Variants in CUX1 observed in about 807,000 individuals in gnomAD.
The protein encoded by CUX1 is protein CASP.
In CUX1, 31 loss-of-function variants were observed where a neutral mutation model predicts 158.8. The ratio of observed to expected loss-of-function variants is 0.20; its 90% CI spans 0.15 to 0.26. The LOEUF is 0.26. Among genes scored for constraint, CUX1 ranks in the 10% least tolerant of loss-of-function variants. CUX1 has a pLI of 1.00. For synonymous variants in CUX1, 879 were observed against 862.1 expected (o/e 1.02, Z -0.34); for missense variants, 1,589 against 2,014.6 (o/e 0.79, Z 4.04).
At chr7:102,136,650 A>G (rs1833941925) in intron 8 of CUX1, among the ~76,000 whole-genome samples, 1 of 152,166 alleles carries the variant, frequency 6.6e-6, no homozygotes, top group Non-Finnish European at 1.5e-5. Context: ...TGGCCTCCCA[A>G]AGTGCTGGGA....
In CUX1 at chr7:102,257,177, G is replaced by A. The variant is rs1387640456; in HGVS notation, c.*8135G>A. 6.1e-6 allele frequency: 6 copies of A among 985,250 alleles called. No individual in the cohort carries two copies. The highest frequency in any genetic ancestry group is 4.7e-5 in the South Asian group (1 of 21,284). The allele number at this position is 985,250 out of a possible 1,614,324, so 61.0% of individuals were successfully genotyped here. Reference sequence around the variant, plus strand: ...AGGCAAGGGCCCTGCTCACCCCAAGGTAGGCTGGGAAGAGCATCTCTTTCC... The same window carrying A: ...AGGCAAGGGCCCTGCTCACCCCAAGATAGGCTGGGAAGAGCATCTCTTTCC... On this transcript the variant is annotated 3_prime_UTR_variant, in exon 24 of 24. Transcript: ENST00000292535.
At chr7:102,215,782 C>T (rs560662842) in intron 20 of CUX1, among the ~76,000 whole-genome samples, 1 of 152,310 alleles carries the variant, frequency 6.6e-6, no homozygotes, top group African/African-American at 2.4e-5. Flanking sequence ...GTTCCACGGG[C>T]CATGATCAGC....
chr7:102,268,781 G>A (rs560179424), intron 14 of CUX1, among the ~76,000 whole-genome samples: 1 of 151,906 alleles, frequency 6.6e-6, no homozygotes, highest in Non-Finnish European at 1.5e-5. Context: ...GAGACATGGC[G>A]AGGCCAGGAG....
intron 1 of CUX1, among the ~76,000 whole-genome samples, chr7:101,855,263 C>T (rs1796647368): frequency 6.6e-6 from 1 of 152,232 alleles, no homozygotes; most frequent in African/African-American, 2.4e-5. Flanking sequence ...GGCTCTATCT[C>T]CTCCCAAACC....
chr7:102,128,004 C>T (rs1239008647), intron 8 of CUX1, among the ~76,000 whole-genome samples: 9 of 152,192 alleles, frequency 5.9e-5, no homozygotes, highest in South Asian at 2.1e-4. Context: ...TGTGCCACCA[C>T]GCCCAGTGAA....
At chr7:102,191,095 G>C (rs187891887) in intron 12 of CUX1, among the ~76,000 whole-genome samples, 1 of 152,124 alleles carries the variant, frequency 6.6e-6, no homozygotes, top group East Asian at 1.9e-4. Flanking sequence ...GCTGGCCCTG[G>C]TAGTCCCTGT....
chr7:102,040,858 G>A (rs757877783), intron 3 of CUX1, among the ~76,000 whole-genome samples: 1 of 152,198 alleles, frequency 6.6e-6, no homozygotes, highest in African/African-American at 2.4e-5. Context: ...TCTGTAAAAC[G>A]AGTGGGTTAC....
At chr7:102,230,249 G>C (rs1302060037) in intron 21 of CUX1, among the ~76,000 whole-genome samples, 1 of 151,992 alleles carries the variant, frequency 6.6e-6, no homozygotes, top group Admixed American at 6.6e-5. Context: ...GCTGAGGCAG[G>C]TGGATCACCT....
intron 2 of CUX1, among the ~76,000 whole-genome samples, chr7:101,971,655 T>TA (rs1367705094): frequency 6.6e-6 from 1 of 152,140 alleles, no homozygotes; most frequent in Non-Finnish European, 1.5e-5. Context: ...TCATGTGACT[T>TA]ACGCTGTCCA....
chr7:102,113,084 C>T (rs1282398199), intron 7 of CUX1, among the ~76,000 whole-genome samples: 1 of 151,932 alleles, frequency 6.6e-6, no homozygotes, highest in Admixed American at 6.6e-5. Context: ...TGCAGTCGAA[C>T]AATAAGCAAG....
chr7:101,976,824 T>G (rs1812744086), intron 2 of CUX1, among the ~76,000 whole-genome samples: 1 of 151,376 alleles, frequency 6.6e-6, no homozygotes, highest in Admixed American at 6.6e-5. Context: ...AGCTCCAACT[T>G]CCCGAGATTT....
intron 20 of CUX1, among the ~76,000 whole-genome samples, chr7:102,209,639 G>A (rs1486220575): frequency 6.6e-6 from 1 of 152,158 alleles, no homozygotes; most frequent in African/African-American, 2.4e-5. Flanking sequence ...GTTATAACCA[G>A]GGTCATCTTT....
chr7:102,223,510 CT>C (rs1798041801), intron 20 of CUX1, among the ~76,000 whole-genome samples: 1 of 151,980 alleles, frequency 6.6e-6, no homozygotes, highest in African/African-American at 2.4e-5. Flanking sequence ...AGTTGGCTTC[CT>C]GTAGGATTCA....
At chr7:101,872,147 T>C (rs1798633495) in intron 1 of CUX1, among the ~76,000 whole-genome samples, 1 of 152,178 alleles carries the variant, frequency 6.6e-6, no homozygotes, top group Admixed American at 6.5e-5. Context: ...TGTTTATTTA[T>C]TTTTGAGACA....
At chr7:101,956,138 C>CAAAAAAAA (rs11462111) in intron 2 of CUX1, among the ~76,000 whole-genome samples, 7 of 64,980 alleles carry the variant, frequency 1.1e-4, no homozygotes, top group Non-Finnish European at 1.3e-4. Context: ...GCCCACGTCT[C>CAAAAAAAA]AAAAAAAAAA....
At chr7:102,239,005 G>C (rs1799882714) in intron 22 of CUX1, among the ~76,000 whole-genome samples, 1 of 152,182 alleles carries the variant, frequency 6.6e-6, no homozygotes, top group South Asian at 2.1e-4. Context: ...TTCTGCCTCA[G>C]CCTCCCTAGT....
At chr7:101,998,271 G>A (rs1050535433) in intron 2 of CUX1, among the ~76,000 whole-genome samples, 3 of 152,196 alleles carry the variant, frequency 2.0e-5, no homozygotes, top group Middle Eastern at 3.2e-3. Flanking sequence ...AGCACGGATT[G>A]TAGGGCTGTG....
At chr7:101,970,024 T>G (rs1386798912) in intron 2 of CUX1, among the ~76,000 whole-genome samples, 4 of 151,600 alleles carry the variant, frequency 2.6e-5, no homozygotes, top group African/African-American at 9.7e-5. Context: ...TCTTGTAGTT[T>G]ACATGTCATA....
intron 3 of CUX1, among the ~76,000 whole-genome samples, chr7:102,048,260 A>C (rs745342324): frequency 1.3e-5 from 2 of 152,028 alleles, no homozygotes. Flanking sequence ...GGCTCCCTTG[A>C]AACTTGTTAT....
Sources: gnomAD v4.1 joint callset for allele counts (sites outside exome capture counted in the v4.1 genomes callset) on GRCh38, gnomAD v4.1.1 for gene constraint, MANE v1.5 for transcripts, NCBI Gene and HGNC (gene_info 2026-07-23, HGNC 2026-07-21) for gene names.